EYS: variants seen among roughly 807,000 people sequenced by gnomAD.
EYS encodes protein eyes shut homolog.
Under a neutral mutation model 282.1 loss-of-function variants are expected in EYS, and 250 were observed. The observed-to-expected ratio is 0.89, with a 90% CI of 0.80 to 0.98. The LOEUF (loss-of-function observed/expected upper bound fraction) is 0.98, where lower values mean the gene tolerates loss of function less well. EYS is among the 50% of genes least tolerant of loss of function. EYS has a pLI of 0.00. For synonymous variants in EYS, 1,355 were observed against 1,282.9 expected (o/e 1.06, Z -1.20); for missense variants, 4,016 against 3,709.0 (o/e 1.08, Z -2.15).
intron 22 of EYS, among the ~76,000 whole-genome samples, chr6:64,718,688 T>C (rs557013927): frequency 6.6e-6 from 1 of 152,332 alleles, no homozygotes; most frequent in African/African-American, 2.4e-5. Flanking sequence ...TCAGGTAACA[T>C]GATCCTCTTC....
chr6:64,006,993 G>A (rs1347910988), intron 33 of EYS, among the ~76,000 whole-genome samples: 1 of 152,000 alleles, frequency 6.6e-6, no homozygotes, highest in African/African-American at 2.4e-5. Context: ...TTTGATATCA[G>A]GATGATGCTT....
At chr6:65,206,423 C>T (rs1035402355) in intron 12 of EYS, among the ~76,000 whole-genome samples, 2 of 151,502 alleles carry the variant, frequency 1.3e-5, no homozygotes, top group Middle Eastern at 3.2e-3. Flanking sequence ...AAGCCCAGGA[C>T]CAACAGATTC....
At chr6:64,676,283 T>C (rs1769668599) in intron 22 of EYS, among the ~76,000 whole-genome samples, 1 of 147,098 alleles carries the variant, frequency 6.8e-6, no homozygotes, top group African/African-American at 2.5e-5. Flanking sequence ...CCTAGAAAAG[T>C]TTCCAATATA....
chr6:64,365,285 A>T (rs1411476657), intron 29 of EYS, among the ~76,000 whole-genome samples: 1 of 152,054 alleles, frequency 6.6e-6, no homozygotes, highest in Non-Finnish European at 1.5e-5. Context: ...CATATAGAGC[A>T]GAAATAATCA....
intron 35 of EYS, among the ~76,000 whole-genome samples, chr6:63,885,034 T>C (rs1290371232): frequency 2.6e-5 from 4 of 152,186 alleles, no homozygotes; most frequent in Non-Finnish European, 2.9e-5. Context: ...CATCTCATGC[T>C]AAATTACATG....
intron 12 of EYS, among the ~76,000 whole-genome samples, chr6:65,059,495 A>C (rs1190556105): frequency 2.0e-5 from 3 of 152,150 alleles, no homozygotes; most frequent in African/African-American, 7.2e-5. Context: ...CCTCCTACAG[A>C]GACTGGGAGA....
At chr6:63,928,719 T>C (rs1764798587) in intron 35 of EYS, among the ~76,000 whole-genome samples, 6 of 152,204 alleles carry the variant, frequency 3.9e-5, no homozygotes, top group Non-Finnish European at 8.8e-5. Flanking sequence ...AATTCAAGTT[T>C]CAATTCAAAT....
At chr6:64,205,844 C>CACATAT (rs778777050) in intron 31 of EYS, among the ~76,000 whole-genome samples, 4 of 138,382 alleles carry the variant, frequency 2.9e-5, no homozygotes, top group African/African-American at 1.1e-4. Flanking sequence ...CACACACACA[C>CACATAT]ATATATATAT....
intron 31 of EYS, among the ~76,000 whole-genome samples, chr6:64,143,356 TAAAAAAA>T (rs60699526): frequency 0.024 from 2,176 of 89,838 alleles, 68 homozygotes; most frequent in African/African-American, 0.078. Flanking sequence ...TCATTTATTG[TAAAAAAA>T]AAAAAAAAAA....
chr6:64,807,747 T>C (rs1303718303), intron 22 of EYS, among the ~76,000 whole-genome samples: 1 of 152,132 alleles, frequency 6.6e-6, no homozygotes, highest in Non-Finnish European at 1.5e-5. Flanking sequence ...ACCTGAAGTA[T>C]GGTTATAGAA....
intron 28 of EYS, among the ~76,000 whole-genome samples, chr6:64,431,575 A>G (rs1441555552): frequency 6.6e-6 from 1 of 152,136 alleles, no homozygotes; most frequent in East Asian, 1.9e-4. Flanking sequence ...TGGGTACTGT[A>G]GGTTAGCCTA....
intron 22 of EYS, among the ~76,000 whole-genome samples, chr6:64,700,217 A>C (rs939820908): frequency 3.3e-5 from 5 of 152,020 alleles, no homozygotes; most frequent in African/African-American, 1.2e-4. Context: ...CAAACCAGAC[A>C]TCAAAATAAC....
chr6:64,043,962 C>T (rs1461816030), intron 33 of EYS, among the ~76,000 whole-genome samples: 2 of 152,186 alleles, frequency 1.3e-5, no homozygotes, highest in Non-Finnish European at 1.5e-5. Flanking sequence ...CAACTCCACA[C>T]GTAACTTGAG....
At chr6:65,542,458 A>G (rs1768201766) in intron 2 of EYS, among the ~76,000 whole-genome samples, 1 of 145,006 alleles carries the variant, frequency 6.9e-6, no homozygotes, top group African/African-American at 2.6e-5. Context: ...AACTGTGGCT[A>G]TGGATAACAA....
At chr6:64,652,048 G>A (rs1768582058) in intron 22 of EYS, among the ~76,000 whole-genome samples, 1 of 152,178 alleles carries the variant, frequency 6.6e-6, no homozygotes, top group Non-Finnish European at 1.5e-5. Flanking sequence ...ACAAAAATTT[G>A]CATTTACTTT....
At chr6:63,941,554 G>C (rs1487611759) in intron 35 of EYS, among the ~76,000 whole-genome samples, 1 of 152,086 alleles carries the variant, frequency 6.6e-6, no homozygotes, top group Non-Finnish European at 1.5e-5. Context: ...TTGTAAATTT[G>C]TTTAAGTTCT....
intron 2 of EYS, among the ~76,000 whole-genome samples, chr6:65,545,889 T>C (rs1768366493): frequency 1.3e-5 from 2 of 152,160 alleles, no homozygotes; most frequent in Admixed American, 6.5e-5. Context: ...ATTGATGAAA[T>C]AGTTACACTT....
chr6:64,766,649 A>AAAATATATATATAT (rs1387919586), intron 22 of EYS, among the ~76,000 whole-genome samples: 20 of 19,062 alleles, frequency 1.0e-3, no homozygotes, highest in Admixed American at 1.9e-3. Flanking sequence ...AAAAAAAAAA[A>AAAATATATATATAT]ATATATATAT....
intron 12 of EYS, among the ~76,000 whole-genome samples, chr6:65,127,378 TC>T (rs1775749630): frequency 6.6e-6 from 1 of 152,182 alleles, no homozygotes; most frequent in South Asian, 2.1e-4. Context: ...CGTAACATTT[TC>T]TGACATTTAT....
Sources: allele counts gnomAD v4.1 joint callset (sites outside exome capture counted in the v4.1 genomes callset), GRCh38; gene constraint gnomAD v4.1.1; transcripts MANE v1.5; gene names NCBI Gene and HGNC (gene_info 2026-07-23, HGNC 2026-07-21).